The following NAALADL2 variants were observed in gnomAD, a reference collection of about 807,000 sequenced individuals.
NAALADL2 encodes inactive N-acetylated-alpha-linked acidic dipeptidase-like protein 2.
In NAALADL2, 76 loss-of-function variants were observed where a neutral mutation model predicts 87.2. The ratio of observed to expected loss-of-function variants is 0.87; its 90% CI spans 0.72 to 1.05. The LOEUF (loss-of-function observed/expected upper bound fraction) is 1.05, where lower values mean the gene tolerates loss of function less well. NAALADL2 is among the 50% of genes least tolerant of loss of function. The probability of loss-of-function intolerance (pLI) is 0.00; values close to 1 mark genes in which losing one functional copy is unlikely to be tolerated. For synonymous variants in NAALADL2, 354 were observed against 331.0 expected, an observed-to-expected ratio of 1.07 and a Z score of -0.75; for missense variants, 1,089 against 945.8, an observed-to-expected ratio of 1.15 and a Z score of -1.99.
At chr3:175,095,501 C>A (rs9817538) in intron 1 of NAALADL2, among the ~76,000 whole-genome samples, 59,834 of 151,668 alleles carry the variant, frequency 0.39, 12,194 homozygotes, top group Non-Finnish European at 0.45. Flanking sequence ...TATGAAAATT[C>A]TAGTCAGAAT....
intron 2 of NAALADL2, among the ~76,000 whole-genome samples, chr3:175,193,271 T>A (rs559998160): frequency 6.6e-6 from 1 of 151,964 alleles, no homozygotes; most frequent in South Asian, 2.1e-4. Context: ...TATTGTAAAA[T>A]GGGGACCCAT....
chr3:175,318,948 C>T (rs1055804044), intron 4 of NAALADL2, among the ~76,000 whole-genome samples: 1 of 150,204 alleles, frequency 6.7e-6, no homozygotes, highest in Non-Finnish European at 1.5e-5. Flanking sequence ...TCCATGTTTC[C>T]CTTTTAATTG....
chr3:174,804,083 G>T (rs1389208347), intron 3 of NAALADL2, among the ~76,000 whole-genome samples: 1 of 152,042 alleles, frequency 6.6e-6, no homozygotes, highest in African/African-American at 2.4e-5. Flanking sequence ...TCACAATATT[G>T]ATTCTTCCTA....
At chr3:175,187,178 A>C (rs552010867) in intron 2 of NAALADL2, among the ~76,000 whole-genome samples, 1 of 152,182 alleles carries the variant, frequency 6.6e-6, no homozygotes, top group East Asian at 1.9e-4. Context: ...TAGTTCACAT[A>C]TTTATTTGAT....
At chr3:174,527,738 A>G (rs574792856) in intron 1 of NAALADL2, among the ~76,000 whole-genome samples, 1 of 152,324 alleles carries the variant, frequency 6.6e-6, no homozygotes, top group Non-Finnish European at 1.5e-5. Context: ...CAATATATTA[A>G]TAAAACATCC....
At position 175,471,724 on chromosome 3, in the gene NAALADL2, T is replaced by G; in HGVS notation, c.1619T>G (p.Val540Gly). The G allele has an allele frequency of 6.2e-7, 1 of 1,608,976 alleles. No individual in the cohort carries two copies. The highest frequency in any genetic ancestry group is 1.1e-5 in the South Asian group (1 of 90,170). ...PIRGNSSLYP[V>G]ASPSLQQLVV... is the part of the protein sequence containing the mutation. Reference sequence around the variant, plus strand: ...AGGGGGAACTCTAGTCTGTATCCTGTAGCATCACCATCTCTTCAGCAACTG... The same window carrying G: ...AGGGGGAACTCTAGTCTGTATCCTGGAGCATCACCATCTCTTCAGCAACTG... Residue 540 changes from valine (V) to glycine (G), a missense_variant, in exon 9 of 14, where the codon GTA (valine) becomes GGA (glycine). Val to Gly is a moderately radical substitution (Grantham distance 109). Transcript: ENST00000454872.
chr3:174,469,867 G>C (rs529068327), intron 1 of NAALADL2, among the ~76,000 whole-genome samples: 48 of 152,162 alleles, frequency 3.2e-4, no homozygotes, highest in African/African-American at 1.1e-3. Context: ...TTTTGAATTT[G>C]AGGTTCATCA....
At chr3:174,493,924 C>T (rs751052590) in intron 1 of NAALADL2, among the ~76,000 whole-genome samples, 23 of 152,102 alleles carry the variant, frequency 1.5e-4, no homozygotes, top group African/African-American at 4.3e-4. Flanking sequence ...GATAGAGATA[C>T]GAACAAGGTG....
chr3:174,945,976 G>T lies in NAALADL2; in HGVS notation c.43+86526G>T, dbSNP rs373235940. Among the ~76,000 whole-genome samples, 1,147 of 149,148 alleles carry T rather than the reference G, an allele frequency of 7.7e-3. 18 individuals are homozygous for T. The highest frequency in any genetic ancestry group is 0.028 in the African/African-American group (1,111 of 40,230). The stretch of plus-strand genomic sequence containing the variant: ...CAGGAGAATCACTTGAACCCAGGAG[G>T]TGGAGGTTGCAGTGAGCTGAGATCC... On this transcript the variant is annotated intron_variant, in intron 1 of 13. Coordinates refer to ENST00000454872, the MANE Select transcript of NAALADL2 (RefSeq NM_207015.3).
At chr3:175,569,926 G>GTT (rs1222138451) in intron 9 of NAALADL2, among the ~76,000 whole-genome samples, 4 of 151,708 alleles carry the variant, frequency 2.6e-5, no homozygotes. Context: ...GTGTGTGTGT[G>GTT]TGTGTATTTG....
chr3:175,525,292 A>C (rs1733234944), intron 9 of NAALADL2, among the ~76,000 whole-genome samples: 1 of 152,174 alleles, frequency 6.6e-6, no homozygotes, highest in Non-Finnish European at 1.5e-5. Context: ...AATAAAGGTA[A>C]GTAGGACAAA....
At chr3:175,369,497 G>A (rs1017480983) in intron 5 of NAALADL2, 1 of 151,764 alleles carries the variant, frequency 6.6e-6, no homozygotes, top group African/African-American at 2.4e-5. Context: ...TAGGTAACAA[G>A]TATGTGTGTG....
intron 3 of NAALADL2, among the ~76,000 whole-genome samples, chr3:174,812,816 T>A (rs1720365684): frequency 6.6e-6 from 1 of 152,012 alleles, no homozygotes; most frequent in African/African-American, 2.4e-5. Flanking sequence ...TTAAAAATTT[T>A]AAAAATAGAA....
chr3:174,979,687 T>G (rs1321774996), intron 1 of NAALADL2, among the ~76,000 whole-genome samples: 1 of 149,522 alleles, frequency 6.7e-6, no homozygotes, highest in East Asian at 1.9e-4. Context: ...TTAGTCAATT[T>G]AAATATATTT....
At chr3:175,423,016 A>AGG in intron 5 of NAALADL2, among the ~76,000 whole-genome samples, 3 of 79,898 alleles carry the variant, frequency 3.8e-5, no homozygotes, top group African/African-American at 2.1e-4. Context: ...CCAGGTCCTT[A>AGG]AGAAAAAAAA....
At chr3:175,114,184 A>G (rs1724708560) in intron 2 of NAALADL2, among the ~76,000 whole-genome samples, 1 of 151,702 alleles carries the variant, frequency 6.6e-6, no homozygotes, top group Non-Finnish European at 1.5e-5. Context: ...GGAAGCTGAC[A>G]GTCATAATTG....
chr3:174,930,997 T>A (rs919706439), intron 1 of NAALADL2, among the ~76,000 whole-genome samples: 3 of 152,082 alleles, frequency 2.0e-5, no homozygotes, highest in Non-Finnish European at 4.4e-5. Context: ...TTTTACCTAA[T>A]AAAATACCAG....
intron 5 of NAALADL2, among the ~76,000 whole-genome samples, chr3:175,439,034 G>A (rs566202711): frequency 1.3e-5 from 2 of 152,042 alleles, no homozygotes; most frequent in Admixed American, 6.6e-5. Context: ...CCCAAAGTCC[G>A]CTGTATGATC....
intron 13 of NAALADL2, among the ~76,000 whole-genome samples, chr3:175,793,447 C>G (rs1753064988): frequency 6.6e-6 from 1 of 151,536 alleles, no homozygotes; most frequent in Non-Finnish European, 1.5e-5. Flanking sequence ...GTAGCTGGGA[C>G]TACAGGCACC....
Sources: allele counts gnomAD v4.1 joint callset (sites outside exome capture counted in the v4.1 genomes callset), GRCh38; gene constraint gnomAD v4.1.1; transcripts MANE v1.5; gene names NCBI Gene and HGNC (gene_info 2026-07-23, HGNC 2026-07-21).